SYNDIG1: variants seen among roughly 807,000 people sequenced by gnomAD.
SYNDIG1 encodes synapse differentiation inducing 1.
Under a neutral mutation model 19.4 loss-of-function variants are expected in SYNDIG1, and 9 were observed. That is an observed-to-expected ratio of 0.46 (90% CI 0.28 to 0.81). The LOEUF is 0.81. Ranked by LOEUF, SYNDIG1 falls within the 30% of genes least tolerant of loss-of-function variation. The probability of loss-of-function intolerance (pLI) is 0.12; values close to 1 mark genes in which losing one functional copy is unlikely to be tolerated. For missense variants in SYNDIG1, 311 were observed against 343.3 expected (o/e 0.91, Z 0.74); for synonymous variants, 141 against 145.9 (o/e 0.97, Z 0.24).
chr20:24,634,319 A>G (rs1182272267), intron 3 of SYNDIG1, among the ~76,000 whole-genome samples: 1 of 152,226 alleles, frequency 6.6e-6, no homozygotes, highest in East Asian at 1.9e-4. Flanking sequence ...AATTGCAATA[A>G]TTTCATTACA....
At chr20:24,620,237 T>C (rs1489908850) in intron 3 of SYNDIG1, among the ~76,000 whole-genome samples, 1 of 152,190 alleles carries the variant, frequency 6.6e-6, no homozygotes, top group African/African-American at 2.4e-5. Flanking sequence ...ATAAACAACT[T>C]TTTCATTATG....
chr20:24,564,154 G>GA (rs1199375106), intron 2 of SYNDIG1, among the ~76,000 whole-genome samples: 1 of 152,022 alleles, frequency 6.6e-6, no homozygotes, highest in East Asian at 1.9e-4. Context: ...ATATTATAAG[G>GA]AAAAAAGTGA....
chr20:24,664,496 C>T (rs1461079217), intron 3 of SYNDIG1, among the ~76,000 whole-genome samples: 3 of 152,100 alleles, frequency 2.0e-5, no homozygotes. Flanking sequence ...CACGTGGGCT[C>T]CCGTGGCTCA....
chr20:24,552,473 A>G lies in SYNDIG1; in HGVS notation c.480+8896A>G, dbSNP rs1312121550. The stretch of plus-strand genomic sequence containing the variant: ...CCCTCCCCCATCCCCTCACCCCACA[A>G]CAGTCCCCAGAGTGTGATGTTCCCC... On this transcript the variant is annotated intron_variant, in intron 2 of 3. Transcript: ENST00000376862. Among the ~76,000 whole-genome samples, 8 of 151,920 alleles carry G rather than the reference A, an allele frequency of 5.3e-5. 1 individual carries two copies. The South Asian group carries it at 1.5e-3, about 28-fold the overall frequency.
intron 1 of SYNDIG1, among the ~76,000 whole-genome samples, chr20:24,500,312 A>T (rs772341681): frequency 9.9e-5 from 15 of 152,226 alleles, no homozygotes; most frequent in African/African-American, 1.4e-4. Flanking sequence ...CAGAAAAAAT[A>T]GAAATACCTT....
In SYNDIG1 at chr20:24,501,992, C is replaced by T. The variant is rs749768464; in HGVS notation, c.-79+32239C>T. ...CTAAGGGCCGAGAACGAATGGCCCA[C>T]GAGCAGCCCTTGGCCAGTGGCGGGC... On this transcript the variant is annotated intron_variant, in intron 1 of 3. Coordinates refer to ENST00000376862, the MANE Select transcript of SYNDIG1 (RefSeq NM_024893.3). Among the ~76,000 whole-genome samples the T allele has an allele frequency of 4.6e-5, 7 of 152,362 alleles. No homozygotes were observed. The East Asian group carries it at 9.6e-4, about 21-fold the overall frequency.
chr20:24,656,235 T>C (rs1399959036), intron 3 of SYNDIG1, among the ~76,000 whole-genome samples: 2 of 152,170 alleles, frequency 1.3e-5, no homozygotes, highest in African/African-American at 4.8e-5. Context: ...ATGGGAGATG[T>C]ATATCACATT....
intron 1 of SYNDIG1, among the ~76,000 whole-genome samples, chr20:24,537,892 G>A (rs1242565877): frequency 6.6e-6 from 1 of 151,998 alleles, no homozygotes; most frequent in Admixed American, 6.6e-5. Context: ...AGGAATTCCA[G>A]ATGAGAATTC....
intron 3 of SYNDIG1, among the ~76,000 whole-genome samples, chr20:24,587,505 C>T (rs557661632): frequency 3.3e-5 from 5 of 152,378 alleles, no homozygotes; most frequent in East Asian, 3.9e-4. Context: ...ATTCTGTTTA[C>T]AGCCCGCACC....
At chr20:24,498,807 AT>A (rs1297906968) in intron 1 of SYNDIG1, among the ~76,000 whole-genome samples, 1 of 151,712 alleles carries the variant, frequency 6.6e-6, no homozygotes, top group African/African-American at 2.4e-5. Context: ...TTTTCCCTTC[AT>A]TTGCCTATCA....
At chr20:24,662,698 G>A (rs998341589) in intron 3 of SYNDIG1, among the ~76,000 whole-genome samples, 1 of 152,214 alleles carries the variant, frequency 6.6e-6, no homozygotes, top group Non-Finnish European at 1.5e-5. Flanking sequence ...CACTGCTTGG[G>A]GCTTCGCCAG....
chr20:24,637,291 T>C (rs746161081), intron 3 of SYNDIG1, among the ~76,000 whole-genome samples: 2 of 152,192 alleles, frequency 1.3e-5, no homozygotes. Flanking sequence ...CATATGGTAA[T>C]TACAAGCCAC....
At chr20:24,652,696 C>T (rs145472344) in intron 3 of SYNDIG1, among the ~76,000 whole-genome samples, 1 of 149,824 alleles carries the variant, frequency 6.7e-6, no homozygotes, top group Non-Finnish European at 1.5e-5. Context: ...TGCCCTGACT[C>T]TGTTGGAGGC....
intron 1 of SYNDIG1, among the ~76,000 whole-genome samples, chr20:24,539,381 C>T (rs1028834495): frequency 9.9e-5 from 15 of 152,162 alleles, no homozygotes; most frequent in Non-Finnish European, 7.4e-5. Flanking sequence ...GGTGTTGGCA[C>T]CCTTGTTAAA....
In SYNDIG1 at chr20:24,658,202, A is replaced by G. The variant is rs533253704; in HGVS notation, c.619-7144A>G. Among the ~76,000 whole-genome samples, 1 of 152,242 alleles carries G rather than the reference A, an allele frequency of 6.6e-6. No individual in the cohort carries two copies. The highest frequency in any genetic ancestry group is 2.1e-4 in the South Asian group (1 of 4,820). On this transcript the variant is annotated intron_variant, in intron 3 of 3. Transcript: ENST00000376862. The surrounding 1 kb of genome is among the most constrained non-coding windows in gnomAD (Gnocchi z 4.4). ...CCAGCCAAAGGACAAGCAAAAGCTC[A>G]TTGGAAACTCCATGAAGAGCGAAGA...
At chr20:24,564,016 T>C (rs1393894899) in intron 2 of SYNDIG1, among the ~76,000 whole-genome samples, 1 of 152,204 alleles carries the variant, frequency 6.6e-6, no homozygotes, top group Non-Finnish European at 1.5e-5. Flanking sequence ...GTCTCAGTGA[T>C]GGACTTTCTG....
intron 1 of SYNDIG1, among the ~76,000 whole-genome samples, chr20:24,475,883 T>C (rs1323942542): frequency 4.7e-5 from 7 of 149,976 alleles, no homozygotes; most frequent in African/African-American, 1.3e-4. Flanking sequence ...TTTTTTGAAA[T>C]GACGTCTCAC....
intron 3 of SYNDIG1, among the ~76,000 whole-genome samples, chr20:24,593,093 T>C (rs569572260): frequency 1.4e-4 from 21 of 152,326 alleles, no homozygotes; most frequent in Admixed American, 2.6e-4. Context: ...AAAGGGTAGA[T>C]GTACAGGTTT....
intron 1 of SYNDIG1, among the ~76,000 whole-genome samples, chr20:24,503,345 C>A (rs2056503350): frequency 6.6e-6 from 1 of 152,088 alleles, no homozygotes; most frequent in South Asian, 2.1e-4. Flanking sequence ...GGAAAAAGAT[C>A]AGGAAAAATG....
Sources: allele counts gnomAD v4.1 joint callset (sites outside exome capture counted in the v4.1 genomes callset), GRCh38; gene constraint gnomAD v4.1.1; non-coding constraint Gnocchi (gnomAD v3.1); transcripts MANE v1.5; gene names NCBI Gene and HGNC (gene_info 2026-07-23, HGNC 2026-07-21).